GRID1: variants seen among roughly 807,000 people sequenced by gnomAD.
GRID1 encodes glutamate ionotropic receptor delta type subunit 1.
GRID1 carries 28 observed loss-of-function variants against 98.0 expected under a neutral mutation model. The observed-to-expected ratio is 0.29, with a 90% CI of 0.21 to 0.39. The LOEUF is 0.39. GRID1 is among the 10% of genes least tolerant of loss of function. The pLI is 1.00. For missense variants in GRID1, 1,111 were observed against 1,340.5 expected (o/e 0.83, Z 2.67); for synonymous variants, 553 against 538.5 (o/e 1.03, Z -0.37).
intron 2 of GRID1, among the ~76,000 whole-genome samples, chr10:86,340,250 T>A (rs1299834656): frequency 6.6e-6 from 1 of 152,046 alleles, no homozygotes; most frequent in Non-Finnish European, 1.5e-5. Context: ...GAGAGATGCA[T>A]AGCAAGCAAA....
chr10:86,339,650 G>C (rs17106600), intron 2 of GRID1, among the ~76,000 whole-genome samples: 3 of 152,170 alleles, frequency 2.0e-5, no homozygotes, highest in African/African-American at 7.2e-5. Flanking sequence ...AGGAACCCAC[G>C]ACAGCAAAGG....
At chr10:85,678,971 T>C (rs1255554680) in intron 12 of GRID1, among the ~76,000 whole-genome samples, 7 of 151,666 alleles carry the variant, frequency 4.6e-5, no homozygotes, top group Admixed American at 1.3e-4. Flanking sequence ...TGCATTATTA[T>C]AGGTAATCTA....
At chr10:86,298,963 C>A (rs1847637392) in intron 2 of GRID1, among the ~76,000 whole-genome samples, 1 of 152,208 alleles carries the variant, frequency 6.6e-6, no homozygotes, top group Admixed American at 6.5e-5. Context: ...CTTCCAGAAG[C>A]TCCCGGGCTA....
chr10:86,185,837 A>G (rs1236341165), intron 3 of GRID1, among the ~76,000 whole-genome samples: 2 of 152,166 alleles, frequency 1.3e-5, no homozygotes, highest in African/African-American at 4.8e-5. Context: ...CTGTTTATAT[A>G]TTGTTACTAA....
rs1021414616 is a variant in GRID1, at chr10:85,600,641, G to C, written c.*1632C>G. 1 of 152,198 alleles carries C rather than the reference G, an allele frequency of 6.6e-6. No individual in the cohort carries two copies. The highest frequency in any genetic ancestry group is 6.5e-5 in the Admixed American group (1 of 15,276). The allele number at this position is 152,198 out of a possible 1,614,324, so 9.4% of individuals were successfully genotyped here. On this transcript the variant is annotated 3_prime_UTR_variant, in exon 16 of 16. Coordinates refer to ENST00000327946, the MANE Select transcript of GRID1 (RefSeq NM_017551.3). The stretch of plus-strand genomic sequence containing the variant: ...GTGGGCTGTGTATTCCATTCTGACG[G>C]GTCTGGAGATCAGACTAACCTTTGT...
chr10:86,284,585 A>G (rs1292263689), intron 2 of GRID1, among the ~76,000 whole-genome samples: 2 of 152,236 alleles, frequency 1.3e-5, no homozygotes, highest in Non-Finnish European at 2.9e-5. Flanking sequence ...GTGGGGGCCA[A>G]CAAAGCTGCT....
chr10:86,107,796 G>A (rs1368246655), intron 4 of GRID1, among the ~76,000 whole-genome samples: 2 of 152,154 alleles, frequency 1.3e-5, no homozygotes, highest in Non-Finnish European at 2.9e-5. Flanking sequence ...CCACTGACCA[G>A]CAGAACAACG....
At chr10:85,607,181 A>G (rs1163425548) in intron 15 of GRID1, 4 of 152,228 alleles carry the variant, frequency 2.6e-5, no homozygotes, top group East Asian at 1.9e-4. Context: ...CTGTTCACCA[A>G]TGTGGAAATA....
chr10:86,178,263 AT>A (rs5786732), intron 3 of GRID1, among the ~76,000 whole-genome samples: 23 of 151,924 alleles, frequency 1.5e-4, no homozygotes, highest in Middle Eastern at 3.4e-3. Flanking sequence ...ATTATTGAGC[AT>A]TTTTTTTCTT....
intron 8 of GRID1, among the ~76,000 whole-genome samples, chr10:85,742,159 C>A (rs949718136): frequency 6.6e-6 from 1 of 152,204 alleles, no homozygotes; most frequent in Non-Finnish European, 1.5e-5. Context: ...ATCTGACACA[C>A]TTTCTGGCAC....
chr10:86,324,637 C>A (rs1848018587), intron 2 of GRID1, among the ~76,000 whole-genome samples: 1 of 151,946 alleles, frequency 6.6e-6, no homozygotes, highest in Admixed American at 6.6e-5. Context: ...ACAGTTGATT[C>A]AATAAAAGGC....
intron 2 of GRID1, among the ~76,000 whole-genome samples, chr10:86,306,609 A>G (rs1847761873): frequency 1.3e-5 from 2 of 152,218 alleles, no homozygotes; most frequent in South Asian, 4.1e-4. Flanking sequence ...TGTGATTGCC[A>G]TGATCTGGCT....
At chr10:85,732,041 G>A (rs1272921346) in intron 8 of GRID1, among the ~76,000 whole-genome samples, 1 of 152,170 alleles carries the variant, frequency 6.6e-6, no homozygotes, top group African/African-American at 2.4e-5. Flanking sequence ...TTGTCAGAGG[G>A]AAGAGGACAA....
At chr10:85,708,836 C>A (rs1841552449) in intron 12 of GRID1, 1 of 166,988 alleles carries the variant, frequency 6.0e-6, no homozygotes. Context: ...GCAGTGACCT[C>A]CACATATGAA....
chr10:85,637,373 T>C (rs1843057966), intron 13 of GRID1, among the ~76,000 whole-genome samples: 2 of 152,208 alleles, frequency 1.3e-5, no homozygotes, highest in South Asian at 4.1e-4. Context: ...GGGGGAGATT[T>C]GAGTGGATCT....
chr10:86,172,856 T>C (rs1459830042), intron 3 of GRID1, among the ~76,000 whole-genome samples: 1 of 152,214 alleles, frequency 6.6e-6, no homozygotes, highest in African/African-American at 2.4e-5. Context: ...TACTTGTTAT[T>C]ATAAAAAAAT....
chr10:86,123,121 C>T (rs1844702600), intron 4 of GRID1, among the ~76,000 whole-genome samples: 1 of 152,210 alleles, frequency 6.6e-6, no homozygotes, highest in Admixed American at 6.5e-5. Context: ...GACTACTCCG[C>T]CCCAACACTG....
chr10:86,288,680 C>A (rs762312536), intron 2 of GRID1, among the ~76,000 whole-genome samples: 5 of 152,210 alleles, frequency 3.3e-5, no homozygotes, highest in Non-Finnish European at 5.9e-5. Context: ...TCAAACATCA[C>A]CATTATCACC....
At chr10:85,959,080 C>T (rs74481000) in intron 4 of GRID1, among the ~76,000 whole-genome samples, 18,590 of 152,204 alleles carry the variant, frequency 0.12, 1,287 homozygotes, top group Admixed American at 0.22. Flanking sequence ...CAAACTTGAA[C>T]TGAATCCTCT....
Sources: gnomAD v4.1 joint callset for allele counts (sites outside exome capture counted in the v4.1 genomes callset) on GRCh38, gnomAD v4.1.1 for gene constraint, MANE v1.5 for transcripts, NCBI Gene and HGNC (gene_info 2026-07-23, HGNC 2026-07-21) for gene names.